The following KIF16B variants were observed in gnomAD, a reference collection of about 807,000 sequenced individuals.
KIF16B encodes kinesin family member 16B, also known as kinesin-like protein KIF16B.
Under a neutral mutation model 156.3 loss-of-function variants are expected in KIF16B, and 98 were observed. The ratio of observed to expected loss-of-function variants is 0.63; its 90% confidence interval spans 0.53 to 0.74. The LOEUF (loss-of-function observed/expected upper bound fraction) is 0.74, where lower values mean the gene tolerates loss of function less well. Among genes scored for constraint, KIF16B ranks in the 30% least tolerant of loss-of-function variants. The pLI is 0.00. For missense variants in KIF16B, 1,421 were observed against 1,606.5 expected (o/e 0.88, Z 1.97); for synonymous variants, 564 against 583.7 (o/e 0.97, Z 0.49).
intron 24 of KIF16B, among the ~76,000 whole-genome samples, chr20:16,320,472 A>G (rs1447551781): frequency 6.6e-6 from 1 of 152,214 alleles, no homozygotes; most frequent in East Asian, 1.9e-4. Context: ...CAAAAACACG[A>G]TGGGAATGAA....
At chr20:16,559,405 A>G (rs987380098) in intron 1 of KIF16B, among the ~76,000 whole-genome samples, 1 of 152,224 alleles carries the variant, frequency 6.6e-6, no homozygotes, top group African/African-American at 2.4e-5. Context: ...CAGCATAGGC[A>G]AAGTTGCCCC....
intron 19 of KIF16B, among the ~76,000 whole-genome samples, chr20:16,376,721 C>T (rs749132010): frequency 2.0e-5 from 3 of 152,192 alleles, no homozygotes; most frequent in Non-Finnish European, 4.4e-5. Context: ...TGCTATTATA[C>T]AGTATTAATA....
intron 1 of KIF16B, among the ~76,000 whole-genome samples, chr20:16,563,170 C>A (rs570634863): frequency 6.6e-6 from 1 of 152,258 alleles, no homozygotes; most frequent in African/African-American, 2.4e-5. Flanking sequence ...ATGGACAGAG[C>A]AAAAAACACA....
rs957134276 is a variant in KIF16B, at chr20:16,523,350, A to G, written c.231+2742T>C. 5.9e-5 allele frequency among the ~76,000 whole-genome samples: 9 copies of G among 152,336 alleles called. No homozygotes were observed. In the East Asian group the frequency reaches 1.5e-3, roughly 26 times the overall value. The stretch of plus-strand genomic sequence containing the variant: ...CTTCAGCAAAGTCTCAGGATACAAA[A>G]TCAATGTGCAAGAATCTCAAGCATT... On this transcript the variant is annotated intron_variant, in intron 3 of 25. Transcript: ENST00000354981.
intron 17 of KIF16B, among the ~76,000 whole-genome samples, chr20:16,383,824 A>G (rs2065162758): frequency 6.6e-6 from 1 of 152,236 alleles, no homozygotes; most frequent in Non-Finnish European, 1.5e-5. Context: ...TGTGCCCATC[A>G]GTAGAGCTGG....
chr20:16,483,025 T>C (rs114718492), intron 12 of KIF16B, among the ~76,000 whole-genome samples: 163 of 152,262 alleles, frequency 1.1e-3, no homozygotes, highest in African/African-American at 3.8e-3. Flanking sequence ...AGTGTCTCCT[T>C]GGCCCCAGAG....
chr20:16,368,089 T>C, intron 22 of KIF16B: 21 of 1,309,616 alleles, frequency 1.6e-5, no homozygotes, highest in Non-Finnish European at 2.0e-5. Flanking sequence ...GCCTTTGACT[T>C]CCTTCATGTT....
chr20:16,274,810 C>T (rs540984731), intron 25 of KIF16B, among the ~76,000 whole-genome samples: 2 of 152,246 alleles, frequency 1.3e-5, no homozygotes, highest in Admixed American at 1.3e-4. Context: ...AATTATCTGG[C>T]CCAAATGTCG....
chr20:16,309,323 A>G (rs1184963392), intron 25 of KIF16B, among the ~76,000 whole-genome samples: 1 of 152,152 alleles, frequency 6.6e-6, no homozygotes, highest in Non-Finnish European at 1.5e-5. Context: ...TACCATCATC[A>G]CATTCTTACT....
rs1047309110 is a variant in KIF16B at position 16,313,891 on chromosome 20, T to C, written c.3712-1473A>G. ...TGTGGTTACTAGAATTGTGCTGCTA[T>C]GATCACTTTCCTATAGATCTTCTGA... On this transcript the variant is annotated intron_variant, in intron 24 of 25. Coordinates refer to ENST00000354981, the MANE Select transcript of KIF16B (RefSeq NM_024704.5). 1.4e-3 allele frequency among the ~76,000 whole-genome samples: 206 copies of C among 152,252 alleles called. 1 individual carries two copies. Among genetic ancestry groups the C allele is most frequent in the Non-Finnish European group, 6.5e-4 (44 of 68,046 alleles).
chr20:16,536,035 C>T (rs1022079963), intron 1 of KIF16B, among the ~76,000 whole-genome samples: 1 of 152,208 alleles, frequency 6.6e-6, no homozygotes, highest in African/African-American at 2.4e-5. Flanking sequence ...GAAACCTGCA[C>T]TCCCATGTTT....
intron 24 of KIF16B, among the ~76,000 whole-genome samples, chr20:16,328,828 A>AG (rs967555887): frequency 6.6e-6 from 1 of 152,032 alleles, no homozygotes; most frequent in South Asian, 2.1e-4. Flanking sequence ...GGTGGGGGCA[A>AG]GCTCCCTCAG....
At chr20:16,273,490 AGAC>A (rs1210828315) in intron 25 of KIF16B, 79 bp from the exon 26 acceptor site, 4 of 1,163,952 alleles carry the variant, frequency 3.4e-6, no homozygotes, top group Non-Finnish European at 5.1e-6. Context: ...CAGGAGTTTG[AGAC>A]CAGTCCAGGC....
intron 17 of KIF16B, among the ~76,000 whole-genome samples, chr20:16,400,359 A>G (rs1479001262): frequency 1.3e-5 from 2 of 152,212 alleles, no homozygotes; most frequent in African/African-American, 4.8e-5. Context: ...ACAGAAAATC[A>G]CAAGTGCTGA....
chr20:16,474,479 A>G (rs1187264726), intron 12 of KIF16B, among the ~76,000 whole-genome samples: 1 of 152,200 alleles, frequency 6.6e-6, no homozygotes, highest in Non-Finnish European at 1.5e-5. Context: ...ACAGAAAGTT[A>G]GTTTTATTGA....
At chr20:16,387,440 G>C (rs928979136) in intron 17 of KIF16B, among the ~76,000 whole-genome samples, 1 of 152,166 alleles carries the variant, frequency 6.6e-6, no homozygotes, top group Middle Eastern at 3.2e-3. Context: ...TGATGATCTG[G>C]GAAGTGGATG....
chr20:16,394,531 C>T (rs931680788), intron 17 of KIF16B, among the ~76,000 whole-genome samples: 1 of 152,154 alleles, frequency 6.6e-6, no homozygotes, highest in Non-Finnish European at 1.5e-5. Context: ...CGCAAGACAA[C>T]TGAGACCAAA....
chr20:16,497,357 T>C (rs560141564), intron 11 of KIF16B, among the ~76,000 whole-genome samples: 1 of 152,354 alleles, frequency 6.6e-6, no homozygotes, highest in Admixed American at 6.5e-5. Flanking sequence ...GCAGCCTCAC[T>C]GCTTTGCAGG....
At chr20:16,407,965 GCTGCTGAGAGTTGC>G (rs2065828747) in intron 15 of KIF16B, among the ~76,000 whole-genome samples, 1 of 152,104 alleles carries the variant, frequency 6.6e-6, no homozygotes, top group South Asian at 2.1e-4. Context: ...AAATCCCTGG[GCTGCTGAGAGTTGC>G]CTCCTTTGCA....
Sources: gnomAD v4.1 joint callset for allele counts (sites outside exome capture counted in the v4.1 genomes callset) on GRCh38, gnomAD v4.1.1 for gene constraint, MANE v1.5 for transcripts, NCBI Gene and HGNC (gene_info 2026-07-23, HGNC 2026-07-21) for gene names.